The following DPYD variants were observed in gnomAD, a reference collection of about 807,000 sequenced individuals.
DPYD encodes dihydropyrimidine dehydrogenase [NADP(+)].
DPYD carries 109 observed loss-of-function variants against 116.2 expected under a neutral mutation model. The ratio of observed to expected loss-of-function variants is 0.94; its 90% CI spans 0.80 to 1.10. DPYD has a LOEUF of 1.10. Ranked by LOEUF, DPYD falls within the 50% of genes least tolerant of loss-of-function variation. The probability of loss-of-function intolerance (pLI) is 0.00; values close to 1 mark genes in which losing one functional copy is unlikely to be tolerated. For synonymous variants in DPYD, 440 were observed against 432.0 expected, an observed-to-expected ratio of 1.02 and a Z score of -0.23; for missense variants, 1,302 against 1,254.5, an observed-to-expected ratio of 1.04 and a Z score of -0.57.
At chr1:97,618,927 T>A (rs1656466100) in intron 8 of DPYD, among the ~76,000 whole-genome samples, 1 of 152,144 alleles carries the variant, frequency 6.6e-6, no homozygotes, top group Non-Finnish European at 1.5e-5. Context: ...ACCAGAAACA[T>A]CCAGGATGCA....
chr1:97,335,419 C>G (rs919050462), intron 16 of DPYD, among the ~76,000 whole-genome samples: 3 of 151,984 alleles, frequency 2.0e-5, no homozygotes, highest in Non-Finnish European at 4.4e-5. Flanking sequence ...AAGAGCTTCA[C>G]AGATTCCAAT....
At chr1:97,239,544 T>C (rs1289535297) in intron 18 of DPYD, among the ~76,000 whole-genome samples, 1 of 152,104 alleles carries the variant, frequency 6.6e-6, no homozygotes, top group Non-Finnish European at 1.5e-5. Flanking sequence ...CACCAGGTCT[T>C]ATCATTGTAG....
intron 1 of DPYD, among the ~76,000 whole-genome samples, chr1:97,918,479 G>A (rs547028498): frequency 6.6e-6 from 1 of 152,174 alleles, no homozygotes; most frequent in Non-Finnish European, 1.5e-5. Context: ...CTATTACCAA[G>A]TAACACATCC....
intron 16 of DPYD, among the ~76,000 whole-genome samples, chr1:97,358,788 C>A (rs1670557040): frequency 6.6e-6 from 1 of 152,074 alleles, no homozygotes; most frequent in Non-Finnish European, 1.5e-5. Flanking sequence ...GACATCTACA[C>A]CAAAACCCTA....
chr1:97,256,942 T>C (rs1448985489), intron 18 of DPYD, among the ~76,000 whole-genome samples: 1 of 152,098 alleles, frequency 6.6e-6, no homozygotes, highest in Non-Finnish European at 1.5e-5. Context: ...ACACCCTTCC[T>C]CTGCCCACCC....
chr1:97,521,811 G>C (rs1648689024), intron 12 of DPYD, among the ~76,000 whole-genome samples: 1 of 152,112 alleles, frequency 6.6e-6, no homozygotes, highest in African/African-American at 2.4e-5. Flanking sequence ...AATGGGGAAA[G>C]GATTCCCTAT....
At chr1:97,580,490 T>C (rs1200804716) in intron 10 of DPYD, among the ~76,000 whole-genome samples, 1 of 152,188 alleles carries the variant, frequency 6.6e-6, no homozygotes, top group Non-Finnish European at 1.5e-5. Context: ...TGTACAAAAA[T>C]AGTGCTGTGA....
chr1:97,264,272 C>T (rs1408997554), intron 18 of DPYD, among the ~76,000 whole-genome samples: 1 of 140,742 alleles, frequency 7.1e-6, no homozygotes, highest in Admixed American at 8.1e-5. Context: ...AAGCGATCTT[C>T]CTGCCTCACC....
intron 14 of DPYD, among the ~76,000 whole-genome samples, chr1:97,406,707 A>C (rs548876447): frequency 2.0e-5 from 3 of 152,206 alleles, no homozygotes; most frequent in East Asian, 1.9e-4. Context: ...AGTACCTTAC[A>C]TGTGTAACCG....
chr1:97,468,437 C>T (rs941802698), intron 13 of DPYD, among the ~76,000 whole-genome samples: 4 of 151,918 alleles, frequency 2.6e-5, no homozygotes. Flanking sequence ...CCTAGAGAGA[C>T]CCCTTGTCCT....
intron 16 of DPYD, among the ~76,000 whole-genome samples, chr1:97,359,709 A>G (rs1670617435): frequency 1.3e-5 from 2 of 152,206 alleles, no homozygotes; most frequent in Admixed American, 6.5e-5. Context: ...AGCCAAACTA[A>G]GCTTCATAAG....
At chr1:97,313,678 A>C (rs746525326) in intron 16 of DPYD, among the ~76,000 whole-genome samples, 5 of 151,760 alleles carry the variant, frequency 3.3e-5, no homozygotes, top group Non-Finnish European at 2.9e-5. Context: ...TTGTCCCTTG[A>C]ATAACACCCT....
intron 16 of DPYD, among the ~76,000 whole-genome samples, chr1:97,314,799 G>T (rs116213296): frequency 0.024 from 3,610 of 152,026 alleles, 61 homozygotes; most frequent in Middle Eastern, 0.048. Context: ...GCCTCACCTG[G>T]CCATGGTAAT....
At chr1:97,495,650 T>C (rs12062552) in intron 13 of DPYD, among the ~76,000 whole-genome samples, 12,771 of 152,064 alleles carry the variant, frequency 0.084, 654 homozygotes, top group South Asian at 0.1. Context: ...CACACATCAT[T>C]ATCATTATTA....
chr1:97,531,636 T>C (rs964054840), intron 12 of DPYD, among the ~76,000 whole-genome samples: 4 of 152,304 alleles, frequency 2.6e-5, no homozygotes, highest in East Asian at 1.9e-4. Context: ...ATACATATTT[T>C]AGGATTACAT....
intron 1 of DPYD, among the ~76,000 whole-genome samples, chr1:97,914,550 G>A (rs1275119658): frequency 6.6e-6 from 1 of 151,970 alleles, no homozygotes. Flanking sequence ...AAACACAGAA[G>A]AATCAATCCA....
chr1:97,268,599 T>C (rs1220706783), intron 18 of DPYD, among the ~76,000 whole-genome samples: 1 of 152,080 alleles, frequency 6.6e-6, no homozygotes, highest in Non-Finnish European at 1.5e-5. Context: ...TTATACCTTC[T>C]GGAGTGATGG....
intron 18 of DPYD, among the ~76,000 whole-genome samples, chr1:97,245,221 A>C (rs898571956): frequency 2.6e-5 from 4 of 152,126 alleles, no homozygotes; most frequent in Non-Finnish European, 5.9e-5. Context: ...TAGTATGTGC[A>C]TGTAAGAAAG....
At position 97,145,323 on chromosome 1, in the gene DPYD, C is replaced by T. The variant is rs1378104596; in HGVS notation, c.2623-46691G>A. Among the ~76,000 whole-genome samples the T allele has an allele frequency of 2.0e-5, 3 of 152,170 alleles. No homozygotes were observed. The East Asian group carries it at 5.8e-4, about 29-fold the overall frequency. On this transcript the variant is annotated intron_variant, in intron 20 of 22. Transcript: ENST00000370192. ...TCCATGCTCAAAGGCCGTCAAGTAG[C>T]TGTGATGCAGGGGAGACACTCACTT...
Sources: gnomAD v4.1 joint callset for allele counts (sites outside exome capture counted in the v4.1 genomes callset) on GRCh38, gnomAD v4.1.1 for gene constraint, MANE v1.5 for transcripts, NCBI Gene and HGNC (gene_info 2026-07-23, HGNC 2026-07-21) for gene names.